The following KIAA1328 variants were observed in gnomAD, a reference collection of about 807,000 sequenced individuals.
KIAA1328 encodes the protein protein hinderin.
In KIAA1328, 52 loss-of-function variants were observed where a neutral mutation model predicts 68.1. The observed-to-expected ratio is 0.76, with a 90% confidence interval of 0.61 to 0.96. The LOEUF (loss-of-function observed/expected upper bound fraction) is 0.96, where lower values mean the gene tolerates loss of function less well. Ranked by LOEUF, KIAA1328 falls within the 40% of genes least tolerant of loss-of-function variation. KIAA1328 has a pLI of 0.00. For missense variants in KIAA1328, 641 were observed against 677.6 expected (o/e 0.95, Z 0.60); for synonymous variants, 232 against 239.4 (o/e 0.97, Z 0.28).
rs191471446 is a variant in KIAA1328, at chr18:37,010,726, T to G, written c.576+51291T>G. Among the ~76,000 whole-genome samples, 476 of 152,274 alleles carry G rather than the reference T, an allele frequency of 3.1e-3. 2 individuals are homozygous for G. The highest frequency in any genetic ancestry group is 0.017 in the Middle Eastern group (5 of 294). On this transcript the variant is annotated intron_variant, in intron 6 of 9. Coordinates refer to ENST00000280020, the MANE Select transcript of KIAA1328 (RefSeq NM_020776.3). Reference sequence around the variant, plus strand: ...GCTCTTTGAGATCCTTTCTGATTACTGAGGCAACATCAAAGCTAAACATTA... The same window carrying G: ...GCTCTTTGAGATCCTTTCTGATTACGGAGGCAACATCAAAGCTAAACATTA...
chr18:36,937,513 G>GA (rs990775068), intron 5 of KIAA1328, among the ~76,000 whole-genome samples: 2 of 151,896 alleles, frequency 1.3e-5, no homozygotes, highest in Admixed American at 1.3e-4. Flanking sequence ...AAATTTACAA[G>GA]AAAAAAATCA....
At chr18:37,075,918 G>C (rs1272465683) in intron 7 of KIAA1328, among the ~76,000 whole-genome samples, 2 of 152,152 alleles carry the variant, frequency 1.3e-5, no homozygotes, top group African/African-American at 4.8e-5. Context: ...ACATTAGACA[G>C]ATCAACGAGA....
intron 5 of KIAA1328, among the ~76,000 whole-genome samples, chr18:36,922,503 C>T (rs1329361113): frequency 6.6e-6 from 1 of 152,114 alleles, no homozygotes; most frequent in African/African-American, 2.4e-5. Context: ...ATTAAACATT[C>T]TTTCTGGTTC....
chr18:36,967,901 G>A (rs2052009263), intron 6 of KIAA1328, among the ~76,000 whole-genome samples: 1 of 152,110 alleles, frequency 6.6e-6, no homozygotes, highest in Non-Finnish European at 1.5e-5. Context: ...GAATGAAAGG[G>A]AATGAAGAAA....
intron 5 of KIAA1328, among the ~76,000 whole-genome samples, chr18:36,923,491 A>T (rs1235502468): frequency 6.6e-6 from 1 of 152,162 alleles, no homozygotes; most frequent in East Asian, 1.9e-4. Flanking sequence ...TATAGATCTT[A>T]AAAAAAGGGG....
In KIAA1328 at chr18:37,055,750, A is replaced by T. The variant is rs941030948; in HGVS notation, c.577-11140A>T. ...TTAGGTCTTGAAATACTGACTTCTC[A>T]ATAGAATAAAGAGCAGAGAGGGAAA... On this transcript the variant is annotated intron_variant, in intron 6 of 9. Transcript: ENST00000280020. 2.0e-5 allele frequency among the ~76,000 whole-genome samples: 3 copies of T among 152,218 alleles called. No homozygotes were observed. The East Asian group carries it at 5.8e-4, about 29-fold the overall frequency.
At chr18:37,159,061 A>G (rs2059220043) in intron 7 of KIAA1328, among the ~76,000 whole-genome samples, 1 of 152,066 alleles carries the variant, frequency 6.6e-6, no homozygotes, top group African/African-American at 2.4e-5. Flanking sequence ...AAAAAAAAAG[A>G]AGAGTATCAC....
chr18:37,076,823 G>A (rs1042771333), intron 7 of KIAA1328, among the ~76,000 whole-genome samples: 10 of 152,036 alleles, frequency 6.6e-5, no homozygotes, highest in African/African-American at 2.2e-4. Context: ...AACAGGATCT[G>A]AAATTGTGGC....
chr18:37,056,470 C>T (rs949373150), intron 6 of KIAA1328, among the ~76,000 whole-genome samples: 3 of 151,770 alleles, frequency 2.0e-5, no homozygotes, highest in Non-Finnish European at 2.9e-5. Flanking sequence ...TAGTCATTAG[C>T]CTGTGCCTAC....
chr18:37,164,015 G>A (rs1288859958), intron 8 of KIAA1328, among the ~76,000 whole-genome samples: 1 of 152,192 alleles, frequency 6.6e-6, no homozygotes, highest in Non-Finnish European at 1.5e-5. Flanking sequence ...AGTGTTAAGA[G>A]TTAATGTTAA....
intron 6 of KIAA1328, among the ~76,000 whole-genome samples, chr18:37,031,126 A>G (rs1297138816): frequency 6.6e-6 from 1 of 152,236 alleles, no homozygotes; most frequent in Non-Finnish European, 1.5e-5. Context: ...CATTGTGAAT[A>G]GTGCCGCAAT....
At chr18:37,104,915 G>C (rs1309167604) in intron 7 of KIAA1328, among the ~76,000 whole-genome samples, 3 of 152,144 alleles carry the variant, frequency 2.0e-5, no homozygotes, top group Non-Finnish European at 2.9e-5. Context: ...GATCAGTGTG[G>C]CAGTATCATT....
At chr18:36,939,685 C>G (rs1279171254) in intron 5 of KIAA1328, among the ~76,000 whole-genome samples, 1 of 152,040 alleles carries the variant, frequency 6.6e-6, no homozygotes, top group African/African-American at 2.4e-5. Context: ...AGAGGAAAAG[C>G]ATTTAACTTT....
intron 6 of KIAA1328, among the ~76,000 whole-genome samples, chr18:36,969,595 T>C (rs770155267): frequency 1.3e-5 from 2 of 152,048 alleles, no homozygotes; most frequent in Non-Finnish European, 2.9e-5. Context: ...CAGGAAGAAA[T>C]TGAATCTCTA....
chr18:37,196,458 T>C (rs2060005237), intron 9 of KIAA1328, among the ~76,000 whole-genome samples: 1 of 152,080 alleles, frequency 6.6e-6, no homozygotes, highest in African/African-American at 2.4e-5. Flanking sequence ...GTTTGAGGTA[T>C]GTTTGACACC....
intron 4 of KIAA1328, among the ~76,000 whole-genome samples, chr18:36,859,658 C>T (rs565275180): frequency 1.8e-4 from 28 of 151,866 alleles, no homozygotes; most frequent in African/African-American, 6.5e-4. Flanking sequence ...CTGTGTTGCC[C>T]AGGCTAGTCT....
At chr18:37,117,582 T>C (rs372628469) in intron 7 of KIAA1328, among the ~76,000 whole-genome samples, 6 of 152,150 alleles carry the variant, frequency 3.9e-5, no homozygotes, top group African/African-American at 1.2e-4. Flanking sequence ...ACATGGCACA[T>C]GTATACATAT....
intron 9 of KIAA1328, chr18:37,193,536 A>T: frequency 1.5e-6 from 1 of 688,684 alleles, no homozygotes. Flanking sequence ...ATGAATATTA[A>T]CAACCTATTT....
At chr18:37,062,011 CT>C (rs1210753004) in intron 6 of KIAA1328, among the ~76,000 whole-genome samples, 11 of 152,150 alleles carry the variant, frequency 7.2e-5, no homozygotes, top group African/African-American at 2.7e-4. Flanking sequence ...TGAATACTAA[CT>C]TTATGTTAGA....
Sources: gnomAD v4.1 joint callset for allele counts (sites outside exome capture counted in the v4.1 genomes callset) on GRCh38, gnomAD v4.1.1 for gene constraint, MANE v1.5 for transcripts, NCBI Gene and HGNC (gene_info 2026-07-23, HGNC 2026-07-21) for gene names.